CCM2: variants seen among roughly 807,000 people sequenced by gnomAD.
The protein encoded by CCM2 is cerebral cavernous malformations 2 protein.
A neutral mutation model predicts 44.9 loss-of-function variants in CCM2; 25 were observed. The ratio of observed to expected loss-of-function variants is 0.56; its 90% CI spans 0.41 to 0.78. CCM2 has a LOEUF of 0.78. Ranked by LOEUF, CCM2 falls within the 30% of genes least tolerant of loss-of-function variation. CCM2 has a pLI of 0.00. For missense variants in CCM2, 481 were observed against 580.6 expected (o/e 0.83, Z 1.76); for synonymous variants, 219 against 241.1 (o/e 0.91, Z 0.85).
chr7:45,044,131 T>C (rs1052692176), intron 2 of CCM2, among the ~76,000 whole-genome samples: 3 of 152,166 alleles, frequency 2.0e-5, no homozygotes, highest in Non-Finnish European at 4.4e-5. Context: ...ATAGTTTTTT[T>C]GTTTTGTTTT....
chr7:45,073,632 G>T, intron 8 of CCM2, 61 bp downstream of exon 8: 1 of 1,209,452 alleles, frequency 8.3e-7, no homozygotes. Context: ...AGGGAGGATG[G>T]GGGGAAGGGG....
chr7:45,043,886 A>G (rs892386070), intron 2 of CCM2, among the ~76,000 whole-genome samples: 8 of 152,010 alleles, frequency 5.3e-5, no homozygotes, highest in African/African-American at 1.7e-4. Context: ...GTTTGTTTCT[A>G]CTATATCTGA....
At chr7:45,044,545 C>G (rs1166502514) in intron 2 of CCM2, among the ~76,000 whole-genome samples, 1 of 152,182 alleles carries the variant, frequency 6.6e-6, no homozygotes, top group African/African-American at 2.4e-5. Flanking sequence ...TGTAAGTTCC[C>G]CATCTTGACT....
chr7:45,048,782 G>A (rs935551989), intron 2 of CCM2, among the ~76,000 whole-genome samples: 3 of 151,992 alleles, frequency 2.0e-5, no homozygotes, highest in Admixed American at 6.6e-5. Context: ...AATTCTTTCT[G>A]TAGTTTCCAT....
intron 2 of CCM2, among the ~76,000 whole-genome samples, chr7:45,049,095 C>T (rs374059029): frequency 6.6e-6 from 1 of 152,050 alleles, no homozygotes; most frequent in African/African-American, 2.4e-5. Context: ...TAGCTGGGAC[C>T]ACATGTTGCA....
intron 1 of CCM2, among the ~76,000 whole-genome samples, chr7:45,025,540 T>C (rs1157520022): frequency 1.3e-5 from 2 of 151,038 alleles, no homozygotes; most frequent in East Asian, 3.9e-4. Flanking sequence ...TTTTCTTTTT[T>C]TTTTTTTTTT....
At chr7:45,030,611 C>T (rs747593384) in intron 1 of CCM2, among the ~76,000 whole-genome samples, 19 of 152,098 alleles carry the variant, frequency 1.2e-4, no homozygotes, top group Non-Finnish European at 1.9e-4. Flanking sequence ...AGACAGGTCT[C>T]GCTATGTTGT....
intron 2 of CCM2, among the ~76,000 whole-genome samples, chr7:45,056,223 A>C (rs1443838681): frequency 1.3e-5 from 2 of 152,228 alleles, no homozygotes; most frequent in African/African-American, 4.8e-5. Flanking sequence ...ACTGAATCAT[A>C]TGCTAATTCC....
At chr7:45,006,721 C>T (rs1477664376) in intron 1 of CCM2, among the ~76,000 whole-genome samples, 2 of 151,994 alleles carry the variant, frequency 1.3e-5, no homozygotes, top group East Asian at 3.9e-4. Flanking sequence ...TGATGGATGT[C>T]CTTATAGGAA....
chr7:45,017,890 G>A (rs538474141), intron 1 of CCM2, among the ~76,000 whole-genome samples: 4 of 152,256 alleles, frequency 2.6e-5, no homozygotes, highest in Non-Finnish European at 4.4e-5. Flanking sequence ...TTTTCATGGT[G>A]TAGGTCTGAC....
At chr7:45,043,791 C>T (rs1797625841) in intron 2 of CCM2, 1 of 363,998 alleles carries the variant, frequency 2.7e-6, no homozygotes, top group Admixed American at 4.3e-5. Context: ...TTTACTCTTC[C>T]CAATGCCTTC....
intron 4 of CCM2, among the ~76,000 whole-genome samples, chr7:45,067,375 C>T (rs1225549913): frequency 1.3e-5 from 2 of 149,314 alleles, no homozygotes; most frequent in African/African-American, 5.0e-5. Context: ...GTTGGCCAGG[C>T]TGGTCTTGAA....
intron 1 of CCM2, among the ~76,000 whole-genome samples, chr7:45,028,423 G>C (rs1796790513): frequency 6.6e-6 from 1 of 152,072 alleles, no homozygotes; most frequent in South Asian, 2.1e-4. Context: ...TTTGGGAGGT[G>C]GAGGTGGGTG....
intron 1 of CCM2, among the ~76,000 whole-genome samples, chr7:45,003,237 A>T (rs1795717409): frequency 2.0e-5 from 3 of 151,910 alleles, no homozygotes. Flanking sequence ...CATCATGCCC[A>T]GCTAATTTTT....
chr7:45,005,238 C>G (rs541593087), intron 1 of CCM2, among the ~76,000 whole-genome samples: 100 of 152,288 alleles, frequency 6.6e-4, no homozygotes, highest in African/African-American at 2.1e-3. Context: ...CCAGAATGAT[C>G]GGCAACATAA....
At chr7:45,033,259 C>T (rs577668333) in intron 1 of CCM2, among the ~76,000 whole-genome samples, 8 of 152,210 alleles carry the variant, frequency 5.3e-5, no homozygotes, top group South Asian at 2.1e-4. Flanking sequence ...GGGGGAGCGC[C>T]AGAGTCCTTC....
At chr7:45,073,346 T>A in intron 7 of CCM2, 114 bp from the exon 8 acceptor site, 1 of 722,310 alleles carries the variant, frequency 1.4e-6, no homozygotes, top group Non-Finnish European at 2.5e-6. Flanking sequence ...ATCACTTACA[T>A]TCCTCTGTTC....
chr7:45,039,606 C>A (rs1797383969), intron 2 of CCM2, among the ~76,000 whole-genome samples: 1 of 152,052 alleles, frequency 6.6e-6, no homozygotes, highest in Non-Finnish European at 1.5e-5. Flanking sequence ...AGCAACAATG[C>A]AGAAAATAGG....
chr7:45,012,427 C>T (rs556967399), intron 1 of CCM2, among the ~76,000 whole-genome samples: 2 of 152,252 alleles, frequency 1.3e-5, no homozygotes, highest in South Asian at 4.1e-4. Flanking sequence ...AGCCACTGCT[C>T]CCAGCCCATA....
Sources: allele counts gnomAD v4.1 joint callset (sites outside exome capture counted in the v4.1 genomes callset), GRCh38; gene constraint gnomAD v4.1.1; transcripts MANE v1.5; gene names NCBI Gene and HGNC (gene_info 2026-07-23, HGNC 2026-07-21).